The following MECOM variants were observed in gnomAD, a reference collection of about 807,000 sequenced individuals.
MECOM encodes the protein histone-lysine N-methyltransferase MECOM.
Under a neutral mutation model 116.3 loss-of-function variants are expected in MECOM, and 13 were observed. The ratio of observed to expected loss-of-function variants is 0.11; its 90% confidence interval spans 0.07 to 0.18. MECOM has a LOEUF of 0.18. Among genes scored for constraint, MECOM ranks in the 10% least tolerant of loss-of-function variants. MECOM has a pLI of 1.00. For synonymous variants in MECOM, 528 were observed against 535.2 expected (o/e 0.99, Z 0.19); for missense variants, 1,299 against 1,509.0 (o/e 0.86, Z 2.31).
At chr3:169,634,268 A>C (rs550083463) in intron 1 of MECOM, among the ~76,000 whole-genome samples, 1 of 147,140 alleles carries the variant, frequency 6.8e-6, no homozygotes, top group African/African-American at 2.5e-5. Context: ...ACACACACAC[A>C]CCTCTTTGCT....
At position 169,084,876 on chromosome 3, in the gene MECOM, G is replaced by T; in HGVS notation, c.*33C>A. 6.2e-7 allele frequency: 1 copy of T among 1,613,458 alleles called. No homozygotes were observed. The highest frequency in any genetic ancestry group is 1.1e-5 in the South Asian group (1 of 90,966). On this transcript the variant is annotated 3_prime_UTR_variant, in exon 17 of 17. Transcript: ENST00000651503. Reference sequence around the variant, plus strand: ...ATATGAAAGAGCCATGCTACTGTTGGACTTGGTCCCACTCTGGTCAACCTT... The same window carrying T: ...ATATGAAAGAGCCATGCTACTGTTGTACTTGGTCCCACTCTGGTCAACCTT...
chr3:169,503,841 A>T (rs1467576082), intron 1 of MECOM, among the ~76,000 whole-genome samples: 1 of 152,210 alleles, frequency 6.6e-6, no homozygotes, highest in Non-Finnish European at 1.5e-5. Context: ...TGTATTGGCA[A>T]AATAAGTTGT....
Position 169,663,338 on chromosome 3 carries a change from G to A in MECOM, c.35C>T (p.Thr12Ile). The A allele has an allele frequency of 1.2e-6, 2 of 1,609,798 alleles. No homozygotes were observed. Among genetic ancestry groups the A allele is most frequent in the Non-Finnish European group, 1.7e-6 (2 of 1,178,068 alleles). ...TAGAAAAGGGATATTGCACCTACTT[G>A]TGGCCAGTTTCCTTGCCCTGCCTTT... ...RSKGRARKLA[T>I]NNECVYGNYP... The change falls in exon 1 of 17, where the codon ACA becomes ATA. Residue 12 changes from threonine to isoleucine, a missense_variant and splice_region_variant. Coordinates refer to ENST00000651503, the MANE Select transcript of MECOM (RefSeq NM_004991.4).
chr3:169,239,017 AT>A lies in MECOM; in HGVS notation c.376-95186del, dbSNP rs369789325. On this transcript the variant is annotated intron_variant, in intron 2 of 16. Coordinates refer to ENST00000651503, the MANE Select transcript of MECOM (RefSeq NM_004991.4). ...CGATAATAATAGATTAACACTATAT[AT>A]TTTTTGAAATGCAGAATAATTCTTG... Among the ~76,000 whole-genome samples the A allele has an allele frequency of 2.4e-4, 36 of 152,250 alleles. No individual in the cohort carries two copies. In the East Asian group the frequency reaches 4.4e-3, roughly 19 times the overall value.
chr3:169,380,393 G>GTA (rs10667759), intron 2 of MECOM, among the ~76,000 whole-genome samples: 53,094 of 151,754 alleles, frequency 0.35, 9,788 homozygotes, highest in East Asian at 0.57. Context: ...TAAATGGAAA[G>GTA]TATATATATC....
chr3:169,313,619 A>C (rs906765102), intron 2 of MECOM, among the ~76,000 whole-genome samples: 5 of 152,348 alleles, frequency 3.3e-5, no homozygotes, highest in African/African-American at 9.6e-5. Context: ...GGCTTGGTTG[A>C]TTTGGTGATG....
intron 1 of MECOM, among the ~76,000 whole-genome samples, chr3:169,427,030 C>T (rs938968479): frequency 2.0e-5 from 3 of 152,034 alleles, no homozygotes; most frequent in Admixed American, 1.3e-4. Flanking sequence ...TACTAGATTA[C>T]TTTTTTTCAA....
intron 3 of MECOM, among the ~76,000 whole-genome samples, chr3:169,139,751 G>A (rs1170350397): frequency 6.6e-6 from 1 of 151,978 alleles, no homozygotes; most frequent in Non-Finnish European, 1.5e-5. Flanking sequence ...GTGGATGGGG[G>A]TCTATGGGTA....
At chr3:169,346,778 G>A in intron 2 of MECOM, among the ~76,000 whole-genome samples, 1 of 152,028 alleles carries the variant, frequency 6.6e-6, no homozygotes, top group Non-Finnish European at 1.5e-5. Flanking sequence ...GGGAAATAGG[G>A]ACTTCTATAT....
chr3:169,361,851 C>T (rs903928805), intron 2 of MECOM, among the ~76,000 whole-genome samples: 12 of 151,678 alleles, frequency 7.9e-5, no homozygotes, highest in South Asian at 2.1e-4. Context: ...AGTCATACCC[C>T]GAGAAAGAAT....
intron 1 of MECOM, among the ~76,000 whole-genome samples, chr3:169,403,977 G>A (rs945537705): frequency 7.2e-5 from 11 of 152,210 alleles, no homozygotes; most frequent in African/African-American, 2.6e-4. Flanking sequence ...AACCCAAAAT[G>A]GAAGATAGAT....
At chr3:169,495,189 C>T (rs553684281) in intron 1 of MECOM, among the ~76,000 whole-genome samples, 11 of 152,284 alleles carry the variant, frequency 7.2e-5, no homozygotes, top group African/African-American at 2.6e-4. Context: ...TGGACCCTAT[C>T]CAAGTTCTCC....
chr3:169,163,717 A>T (rs942598294), intron 2 of MECOM, among the ~76,000 whole-genome samples: 2 of 152,136 alleles, frequency 1.3e-5, no homozygotes, highest in Non-Finnish European at 2.9e-5. Context: ...ACATTATTTC[A>T]GACATAATGA....
Position 169,214,846 on chromosome 3 carries a change from C to A in MECOM, c.376-71014G>T, listed in dbSNP as rs1468670879. 2.7e-5 allele frequency among the ~76,000 whole-genome samples: 4 copies of A among 147,124 alleles called. No individual in the cohort carries two copies. In the Admixed American group the frequency reaches 2.7e-4, roughly 10 times the overall value. ...CTAGTATCTATTTTATATATATAAT[C>A]TATAGGATTATATATATCTAAATAT... is the stretch of plus-strand genomic sequence containing the variant. On this transcript the variant is annotated intron_variant, in intron 2 of 16. Coordinates refer to ENST00000651503, the MANE Select transcript of MECOM (RefSeq NM_004991.4).
intron 7 of MECOM, among the ~76,000 whole-genome samples, chr3:169,119,536 T>G (rs969679801): frequency 6.6e-6 from 1 of 152,166 alleles, no homozygotes; most frequent in Admixed American, 6.5e-5. Flanking sequence ...ATAGCAGAAG[T>G]CTATATTTTC....
chr3:169,105,903 A>G (rs1199671261), intron 10 of MECOM, among the ~76,000 whole-genome samples: 1 of 152,118 alleles, frequency 6.6e-6, no homozygotes, highest in Non-Finnish European at 1.5e-5. Flanking sequence ...ATTTTTAAAA[A>G]CATTTCAGCA....
intron 1 of MECOM, among the ~76,000 whole-genome samples, chr3:169,633,227 C>G (rs1019777253): frequency 7.2e-5 from 11 of 152,110 alleles, no homozygotes; most frequent in Non-Finnish European, 1.6e-4. Flanking sequence ...TCCAGGCAAG[C>G]AGACTATTAT....
intron 1 of MECOM, among the ~76,000 whole-genome samples, chr3:169,535,650 T>A (rs562153284): frequency 6.6e-6 from 1 of 152,308 alleles, no homozygotes; most frequent in East Asian, 1.9e-4. Flanking sequence ...ACCTGATATA[T>A]GTTAACTTCT....
intron 1 of MECOM, among the ~76,000 whole-genome samples, chr3:169,619,344 A>C (rs1033830956): frequency 2.0e-5 from 3 of 152,112 alleles, no homozygotes; most frequent in African/African-American, 7.2e-5. Flanking sequence ...ACACAGCTCC[A>C]CATCCCACAA....
Sources: allele counts gnomAD v4.1 joint callset (sites outside exome capture counted in the v4.1 genomes callset), GRCh38; gene constraint gnomAD v4.1.1; transcripts MANE v1.5; gene names NCBI Gene and HGNC (gene_info 2026-07-23, HGNC 2026-07-21).